Variants in ZNF277 observed in about 807,000 individuals in gnomAD.
ZNF277 encodes the protein zinc finger protein 277, also known as nuclear receptor-interacting factor 4.
A neutral mutation model predicts 60.7 loss-of-function variants in ZNF277; 55 were observed. The observed-to-expected ratio is 0.91, with a 90% confidence interval of 0.73 to 1.13. The LOEUF (loss-of-function observed/expected upper bound fraction) is 1.13, where lower values mean the gene tolerates loss of function less well. ZNF277 is among the 50% of genes most tolerant of loss of function. The pLI is 0.00. For missense variants in ZNF277, 510 were observed against 523.0 expected (o/e 0.98, Z 0.24); for synonymous variants, 178 against 179.3 (o/e 0.99, Z 0.06).
intron 4 of ZNF277, among the ~76,000 whole-genome samples, chr7:112,311,664 G>T (rs1460290199): frequency 6.6e-6 from 1 of 150,844 alleles, no homozygotes; most frequent in Non-Finnish European, 1.5e-5. Flanking sequence ...ATATGCCACA[G>T]CTAATTCTAT....
At chr7:112,278,982 A>G (rs543056847) in intron 1 of ZNF277, among the ~76,000 whole-genome samples, 5 of 152,176 alleles carry the variant, frequency 3.3e-5, no homozygotes, top group South Asian at 2.1e-4. Context: ...TATAAGTAGA[A>G]TCGTGTAGTT....
chr7:112,241,073 A>T (rs1280746063), intron 1 of ZNF277, among the ~76,000 whole-genome samples: 2 of 152,150 alleles, frequency 1.3e-5, no homozygotes, highest in African/African-American at 4.8e-5. Context: ...GAAAACCCAC[A>T]GTATCGGAGA....
chr7:112,341,515 A>C (rs1321025971), intron 11 of ZNF277, among the ~76,000 whole-genome samples: 1 of 152,188 alleles, frequency 6.6e-6, no homozygotes, highest in Non-Finnish European at 1.5e-5. Context: ...TTATCTAATT[A>C]TTTAATTAAG....
intron 1 of ZNF277, among the ~76,000 whole-genome samples, chr7:112,244,917 G>A (rs529140926): frequency 1.4e-4 from 21 of 152,122 alleles, no homozygotes; most frequent in Admixed American, 8.5e-4. Context: ...AATTATGAAC[G>A]GTTTTCACAA....
At chr7:112,336,067 C>T (rs760073291) in intron 7 of ZNF277, 37 bp from the exon 8 acceptor site, 25 of 1,560,334 alleles carry the variant, frequency 1.6e-5, no homozygotes, top group Non-Finnish European at 1.8e-5. Flanking sequence ...CTTCTCTTTC[C>T]CCCAATGTCT....
rs958456782 is a variant in ZNF277 at position 112,343,270 on chromosome 7, A to C, written c.*541A>C. Among the ~76,000 whole-genome samples the C allele has an allele frequency of 1.3e-5, 2 of 152,222 alleles. No individual in the cohort carries two copies. The highest frequency in any genetic ancestry group is 2.9e-5 in the Non-Finnish European group (2 of 68,034). ...TGCAAATTGGCCATTATATTAGAAC[A>C]ATCAAGAGCTGACTGTGTTATTACC... On this transcript the variant is annotated 3_prime_UTR_variant, in exon 12 of 12. Coordinates refer to ENST00000361822, the MANE Select transcript of ZNF277 (RefSeq NM_021994.3).
intron 1 of ZNF277, among the ~76,000 whole-genome samples, chr7:112,213,554 A>G (rs1821808682): frequency 6.6e-6 from 1 of 152,232 alleles, no homozygotes; most frequent in Admixed American, 6.5e-5. Flanking sequence ...AAATGCTTTT[A>G]TAGGTATTAT....
At chr7:112,335,227 G>C (rs796458603) in intron 7 of ZNF277, among the ~76,000 whole-genome samples, 25 of 152,256 alleles carry the variant, frequency 1.6e-4, no homozygotes, top group African/African-American at 5.8e-4. Context: ...TAGCAGGTCA[G>C]GTGGGCCTGA....
chr7:112,320,255 C>CA (rs909786033), intron 5 of ZNF277, among the ~76,000 whole-genome samples: 1 of 152,108 alleles, frequency 6.6e-6, no homozygotes, highest in African/African-American at 2.4e-5. Context: ...TGAGTAGGGT[C>CA]ACATAGGAAT....
intron 4 of ZNF277, among the ~76,000 whole-genome samples, chr7:112,298,823 C>A (rs1470058984): frequency 6.6e-6 from 1 of 152,190 alleles, no homozygotes; most frequent in Non-Finnish European, 1.5e-5. Flanking sequence ...CCCAGGAACA[C>A]ATAGTGAATG....
In ZNF277 at chr7:112,217,456, CT is replaced by C. The variant is rs529993857; in HGVS notation, c.91+10651del. Among the ~76,000 whole-genome samples the C allele has an allele frequency of 5.6e-3, 855 of 152,312 alleles. 4 individuals are homozygous for C. The highest frequency in any genetic ancestry group is 0.02 in the Middle Eastern group (6 of 294). ...GATCATACTGTCTCAGATCTTAGAACTTGATTATGCAGACTGAAACTGCCTT... is the reference window on the plus strand; with the variant it reads ...GATCATACTGTCTCAGATCTTAGAACTGATTATGCAGACTGAAACTGCCTT... On this transcript the variant is annotated intron_variant, in intron 1 of 11. Coordinates refer to ENST00000361822, the MANE Select transcript of ZNF277 (RefSeq NM_021994.3).
At chr7:112,342,420 G>A (rs977228872) in intron 11 of ZNF277, 141 bp from the exon 12 acceptor site, 12 of 550,686 alleles carry the variant, frequency 2.2e-5, no homozygotes, top group Non-Finnish European at 3.5e-5. Flanking sequence ...ATCAGAAGTT[G>A]TCTCCAGTAT....
intron 5 of ZNF277, among the ~76,000 whole-genome samples, chr7:112,326,641 TAA>T (rs72193139): frequency 2.8e-5 from 4 of 145,098 alleles, no homozygotes; most frequent in Admixed American, 6.8e-5. Flanking sequence ...CTTACATAGT[TAA>T]AAAAAAAAAA....
intron 1 of ZNF277, among the ~76,000 whole-genome samples, chr7:112,246,734 T>C (rs1352497887): frequency 6.6e-6 from 1 of 152,192 alleles, no homozygotes; most frequent in Non-Finnish European, 1.5e-5. Context: ...AAGCAGGACT[T>C]TTCTGTCTTG....
intron 1 of ZNF277, among the ~76,000 whole-genome samples, chr7:112,261,679 G>C (rs774439654): frequency 6.6e-6 from 1 of 151,888 alleles, no homozygotes; most frequent in Non-Finnish European, 1.5e-5. Flanking sequence ...ATCCATTTAG[G>C]AGTGTATCTG....
chr7:112,261,121 C>T (rs1194579281), intron 1 of ZNF277, among the ~76,000 whole-genome samples: 1 of 152,170 alleles, frequency 6.6e-6, no homozygotes, highest in African/African-American at 2.4e-5. Flanking sequence ...AAAACTTCAG[C>T]CGTTGGTCAG....
chr7:112,242,359 CT>C, intron 1 of ZNF277, among the ~76,000 whole-genome samples: 1 of 152,000 alleles, frequency 6.6e-6, no homozygotes, highest in Non-Finnish European at 1.5e-5. Context: ...AGTATCCCCA[CT>C]TTCACCATTG....
intron 1 of ZNF277, among the ~76,000 whole-genome samples, chr7:112,210,039 C>G (rs1394383857): frequency 6.6e-6 from 1 of 152,068 alleles, no homozygotes. Flanking sequence ...GGAGAAATAC[C>G]TAATGTAAAT....
At chr7:112,287,697 T>C (rs1792106441) in intron 2 of ZNF277, 2 of 152,116 alleles carry the variant, frequency 1.3e-5, no homozygotes, top group Non-Finnish European at 2.9e-5. Context: ...CAGCTAATTT[T>C]TGTATTCTTA....
Sources: gnomAD v4.1 joint callset for allele counts (sites outside exome capture counted in the v4.1 genomes callset) on GRCh38, gnomAD v4.1.1 for gene constraint, MANE v1.5 for transcripts, NCBI Gene and HGNC (gene_info 2026-07-23, HGNC 2026-07-21) for gene names.